The following PTCHD4 variants were observed in gnomAD, a reference collection of about 807,000 sequenced individuals.
The protein encoded by PTCHD4 is patched domain-containing protein 4.
PTCHD4 carries 33 observed loss-of-function variants against 58.1 expected under a neutral mutation model. That is an observed-to-expected ratio of 0.57 (90% CI 0.43 to 0.76). PTCHD4 has a LOEUF of 0.76. Ranked by LOEUF, PTCHD4 falls within the 30% of genes least tolerant of loss-of-function variation. The probability of loss-of-function intolerance (pLI) is 0.00; values close to 1 mark genes in which losing one functional copy is unlikely to be tolerated. For missense variants in PTCHD4, 1,058 were observed against 1,027.1 expected (o/e 1.03, Z -0.41); for synonymous variants, 478 against 409.6 (o/e 1.17, Z -2.02).
At chr6:47,911,514 G>A (rs991556466) in intron 4 of PTCHD4, among the ~76,000 whole-genome samples, 4 of 152,024 alleles carry the variant, frequency 2.6e-5, no homozygotes, top group African/African-American at 9.7e-5. Flanking sequence ...TTTCCATATA[G>A]GACCTTGTGT....
intron 4 of PTCHD4, among the ~76,000 whole-genome samples, chr6:47,892,595 A>G (rs1420065785): frequency 6.6e-6 from 1 of 152,236 alleles, no homozygotes; most frequent in Non-Finnish European, 1.5e-5. Context: ...TTACAATAGC[A>G]AAAGCTGGAG....
At chr6:48,041,141 G>A (rs746273143) in intron 3 of PTCHD4, among the ~76,000 whole-genome samples, 1 of 152,064 alleles carries the variant, frequency 6.6e-6, no homozygotes, top group Non-Finnish European at 1.5e-5. Context: ...GACAAGTTCA[G>A]TTGAGTGAGC....
chr6:47,901,913 T>G, intron 4 of PTCHD4: 1 of 1,303,816 alleles, frequency 7.7e-7, no homozygotes, highest in Non-Finnish European at 1.0e-6. Flanking sequence ...GTTTCTAGCT[T>G]GAGGTAAATT....
intron 1 of PTCHD4, among the ~76,000 whole-genome samples, chr6:48,081,144 A>G (rs1006884391): frequency 3.3e-5 from 5 of 152,184 alleles, no homozygotes; most frequent in African/African-American, 9.7e-5. Context: ...ACAAAACCCT[A>G]CCTATGAAGG....
rs556763685 is a variant in PTCHD4, at chr6:48,028,116, A to AT, written c.418-19003dup. On this transcript the variant is annotated intron_variant, in intron 3 of 4. Transcript: ENST00000339488. ...ACTACTATGCCTGGCTAATTTTTGT[A>AT]TTTTTTTGTAAAGACAGGGTTTCGC... 1.9e-3 allele frequency among the ~76,000 whole-genome samples: 294 copies of AT among 151,890 alleles called. 5 individuals carry two copies. Among genetic ancestry groups the AT allele is most frequent in the East Asian group, 6.4e-3 (33 of 5,154 alleles).
chr6:48,036,466 T>C (rs1420207916), intron 3 of PTCHD4, among the ~76,000 whole-genome samples: 1 of 152,148 alleles, frequency 6.6e-6, no homozygotes, highest in Non-Finnish European at 1.5e-5. Context: ...TCCTGAGTAG[T>C]GTGATGAAAT....
At position 47,921,015 on chromosome 6, in the gene PTCHD4, C is replaced by T. The variant is rs145719807; in HGVS notation, c.899-41079G>A. Among the ~76,000 whole-genome samples the T allele has an allele frequency of 4.0e-3, 605 of 152,036 alleles. 2 individuals carry two copies. Among genetic ancestry groups the T allele is most frequent in the Non-Finnish European group, 6.9e-3 (470 of 67,958 alleles). On this transcript the variant is annotated intron_variant, in intron 4 of 4. Transcript: ENST00000339488. ...AGACAAGGACTGAAGTTGTCTGCAG[C>T]AACAGCTAAACAAAGAGACATCGAT...
At chr6:47,890,129 A>G (rs891489802) in intron 4 of PTCHD4, among the ~76,000 whole-genome samples, 1 of 151,630 alleles carries the variant, frequency 6.6e-6, no homozygotes, top group Non-Finnish European at 1.5e-5. Flanking sequence ...TATATAGTAT[A>G]TGTGTGTGTG....
intron 4 of PTCHD4, among the ~76,000 whole-genome samples, chr6:47,955,795 G>A (rs896845695): frequency 1.3e-5 from 2 of 152,158 alleles, no homozygotes; most frequent in African/African-American, 4.8e-5. Context: ...TCAAAAATGT[G>A]TGAAAAACAC....
At chr6:48,090,639 AGGGCTTCTGAATCC>A (rs1765347760) in intron 1 of PTCHD4, among the ~76,000 whole-genome samples, 1 of 152,210 alleles carries the variant, frequency 6.6e-6, no homozygotes, top group African/African-American at 2.4e-5. Context: ...CAGGGTATAA[AGGGCTTCTGAATCC>A]CCTGAAATCA....
intron 4 of PTCHD4, among the ~76,000 whole-genome samples, chr6:47,952,495 C>T (rs572630724): frequency 1.1e-4 from 17 of 151,950 alleles, no homozygotes; most frequent in Admixed American, 2.6e-4. Context: ...AAGTATATAC[C>T]GCCCCCCATG....
At chr6:48,001,998 C>A (rs552186704) in intron 4 of PTCHD4, among the ~76,000 whole-genome samples, 39 of 152,284 alleles carry the variant, frequency 2.6e-4, no homozygotes, top group African/African-American at 9.1e-4. Flanking sequence ...AGCCAAAAGA[C>A]ACATGAAAAA....
rs568997976 is a variant in PTCHD4 at position 48,103,132 on chromosome 6, T to C, written c.-970+7917A>G. 1.2e-3 allele frequency among the ~76,000 whole-genome samples: 178 copies of C among 152,292 alleles called. 1 individual carries two copies. Among genetic ancestry groups the C allele is most frequent in the Admixed American group, 1.8e-3 (28 of 15,304 alleles). Reference sequence around the variant, plus strand: ...GGTTCTCCCAGCATGCAGCTTGAGATCTGAGAATGAGCAGAGTGCCTCCTC... The same window carrying C: ...GGTTCTCCCAGCATGCAGCTTGAGACCTGAGAATGAGCAGAGTGCCTCCTC... On this transcript the variant is annotated intron_variant, in intron 1 of 4. Coordinates refer to ENST00000339488, the MANE Select transcript of PTCHD4 (RefSeq NM_001384253.1).
intron 4 of PTCHD4, among the ~76,000 whole-genome samples, chr6:47,963,797 A>T (rs188515595): frequency 6.6e-6 from 1 of 152,192 alleles, no homozygotes; most frequent in East Asian, 1.9e-4. Flanking sequence ...CCAACAGAGC[A>T]ATGACATACT....
At chr6:47,921,479 C>G (rs990853477) in intron 4 of PTCHD4, among the ~76,000 whole-genome samples, 6 of 152,172 alleles carry the variant, frequency 3.9e-5, no homozygotes, top group African/African-American at 1.4e-4. Flanking sequence ...CTTAAGGCCA[C>G]TTGAAATAAG....
rs375869071 is a variant in PTCHD4, at chr6:47,982,481, C to CTTT, written c.898+26150_898+26152dup. ...TCACACTAGTCTGTTTTATCTCTCT[C>CTTT]TTTTTTTTTTTTTTTTTTGTTTTTT... On this transcript the variant is annotated intron_variant, in intron 4 of 4. Transcript: ENST00000339488. Among the ~76,000 whole-genome samples, 1,126 of 130,694 alleles carry CTTT rather than the reference C, an allele frequency of 8.6e-3. 6 individuals are homozygous for CTTT. The highest frequency in any genetic ancestry group is 0.017 in the African/African-American group (609 of 34,988). The allele number at this position is 130,694 out of a possible 152,430, so 85.7% of individuals were successfully genotyped here.
chr6:48,063,204 T>G (rs953753890), intron 3 of PTCHD4, among the ~76,000 whole-genome samples: 2 of 152,188 alleles, frequency 1.3e-5, no homozygotes, highest in African/African-American at 4.8e-5. Flanking sequence ...TACCTTGGTT[T>G]GTTCTGACTT....
At chr6:47,925,641 A>T (rs1325479799) in intron 4 of PTCHD4, among the ~76,000 whole-genome samples, 2 of 152,142 alleles carry the variant, frequency 1.3e-5, no homozygotes, top group Non-Finnish European at 2.9e-5. Context: ...CTCACACATG[A>T]CCTGTGATGA....
intron 3 of PTCHD4, among the ~76,000 whole-genome samples, chr6:48,050,233 T>G (rs917991202): frequency 1.3e-5 from 2 of 151,998 alleles, no homozygotes; most frequent in Admixed American, 1.3e-4. Flanking sequence ...AATTACATGA[T>G]GTGCACATAA....
Sources: gnomAD v4.1 joint callset for allele counts (sites outside exome capture counted in the v4.1 genomes callset) on GRCh38, gnomAD v4.1.1 for gene constraint, MANE v1.5 for transcripts, NCBI Gene and HGNC (gene_info 2026-07-23, HGNC 2026-07-21) for gene names.